EVL: variants seen among roughly 807,000 people sequenced by gnomAD.
EVL encodes ena/VASP-like protein.
EVL carries 21 observed loss-of-function variants against 59.6 expected under a neutral mutation model. The observed-to-expected ratio is 0.35, with a 90% confidence interval of 0.25 to 0.51. The LOEUF (loss-of-function observed/expected upper bound fraction) is 0.51, where lower values mean the gene tolerates loss of function less well. EVL is among the 20% of genes least tolerant of loss of function. EVL has a pLI of 0.97. For synonymous variants in EVL, 198 were observed against 203.5 expected, an observed-to-expected ratio of 0.97 and a Z score of 0.23; for missense variants, 462 against 546.6, an observed-to-expected ratio of 0.85 and a Z score of 1.54.
At chr14:100,046,771 GA>G (rs2061553703) in intron 1 of EVL, among the ~76,000 whole-genome samples, 1 of 72,126 alleles carries the variant, frequency 1.4e-5, no homozygotes, top group Non-Finnish European at 2.8e-5. Flanking sequence ...TTTTTTTTTT[GA>G]GGAAGAGTCT....
intron 1 of EVL, chr14:99,974,739 T>C (rs1341745782): frequency 6.6e-6 from 1 of 152,338 alleles, no homozygotes; most frequent in Non-Finnish European, 1.5e-5. Context: ...AGATGATGAC[T>C]CCTTGGATGG....
rs1195149750 is a variant in EVL at position 100,006,283 on chromosome 14, CTTTTTT to C, written c.5+34240_5+34245del. 2.3e-5 allele frequency among the ~76,000 whole-genome samples: 3 copies of C among 132,176 alleles called. 1 individual carries two copies. The highest frequency in any genetic ancestry group is 8.5e-5 in the African/African-American group (3 of 35,378). 86.7% of individuals were successfully genotyped at this position (132,176 alleles called of 152,430 possible). A position where few individuals can be genotyped will look rare whatever the true frequency, so the allele number is the denominator to read the frequency against. On this transcript the variant is annotated intron_variant, in intron 1 of 13. Transcript: ENST00000402714. ...CAAATAAAACCAGCTGGTTGTTAAT[CTTTTTT>C]TTTTTTTTTTTTTGAGACAGAGTTT...
chr14:100,132,627 G>C (rs539574105), intron 7 of EVL, 92 bp from the exon 8 acceptor site: 9 of 1,378,872 alleles, frequency 6.5e-6, no homozygotes, highest in Non-Finnish European at 8.3e-6. Context: ...TCTGAGGACC[G>C]GGGTGAGTCT....
intron 1 of EVL, among the ~76,000 whole-genome samples, chr14:99,981,763 T>C (rs899689176): frequency 6.6e-6 from 1 of 152,228 alleles, no homozygotes; most frequent in African/African-American, 2.4e-5. Flanking sequence ...ACCTTATTGC[T>C]TAAAAATGCT....
At chr14:100,078,352 A>C (rs1475494074) in intron 1 of EVL, among the ~76,000 whole-genome samples, 4 of 152,138 alleles carry the variant, frequency 2.6e-5, no homozygotes, top group Non-Finnish European at 5.9e-5. Flanking sequence ...CAGAGAGCGA[A>C]GTGGAATGCC....
chr14:100,030,047 A>C (rs2061285749), intron 1 of EVL, among the ~76,000 whole-genome samples: 1 of 150,968 alleles, frequency 6.6e-6, no homozygotes, highest in South Asian at 2.1e-4. Context: ...GTAAAATGGG[A>C]CTATTACCAA....
intron 11 of EVL, chr14:100,138,684 G>C (rs985966306): frequency 3.3e-5 from 5 of 152,572 alleles, no homozygotes; most frequent in African/African-American, 1.2e-4. Flanking sequence ...GCTGGGGACA[G>C]TCCCTGCCTG....
chr14:99,981,440 T>TA (rs539248984), intron 1 of EVL, among the ~76,000 whole-genome samples: 4 of 151,776 alleles, frequency 2.6e-5, no homozygotes, highest in African/African-American at 7.3e-5. Context: ...AAAATAAAAT[T>TA]AAAAAAAAGA....
intron 1 of EVL, among the ~76,000 whole-genome samples, chr14:100,026,772 C>T (rs1254813196): frequency 1.3e-5 from 2 of 152,232 alleles, no homozygotes; most frequent in Non-Finnish European, 2.9e-5. Flanking sequence ...CTGCTGACAG[C>T]ATACTCTCAG....
chr14:100,076,233 G>C (rs1400579087), intron 1 of EVL, among the ~76,000 whole-genome samples: 1 of 152,254 alleles, frequency 6.6e-6, no homozygotes, highest in Non-Finnish European at 1.5e-5. Context: ...TGCTGGTTGG[G>C]CTATGTGATC....
intron 1 of EVL, among the ~76,000 whole-genome samples, chr14:99,994,784 C>T (rs528474325): frequency 6.6e-6 from 1 of 152,216 alleles, no homozygotes; most frequent in South Asian, 2.1e-4. Context: ...TATTTAACAT[C>T]TTTTCATTTC....
chr14:100,060,567 C>T (rs901190687), upstream of EVL, among the ~76,000 whole-genome samples: 1 of 151,904 alleles, frequency 6.6e-6, no homozygotes. Flanking sequence ...CAATAGATAT[C>T]TAATCTGAAA....
intron 4 of EVL, among the ~76,000 whole-genome samples, chr14:100,125,609 G>A (rs1888025057): frequency 6.6e-6 from 1 of 151,302 alleles, no homozygotes; most frequent in South Asian, 2.1e-4. Context: ...GGGCTGGAGT[G>A]TAGTGACGCA....
intron 3 of EVL, among the ~76,000 whole-genome samples, chr14:100,116,507 G>A (rs1199785942): frequency 6.6e-6 from 1 of 152,222 alleles, no homozygotes; most frequent in East Asian, 1.9e-4. Context: ...GTCTCCCAGA[G>A]CCTCATAAAT....
At chr14:100,091,316 G>A (rs1049859096) in intron 2 of EVL, among the ~76,000 whole-genome samples, 12 of 152,158 alleles carry the variant, frequency 7.9e-5, no homozygotes, top group African/African-American at 2.2e-4. Flanking sequence ...AATGGGTTCC[G>A]CCCCATATCC....
chr14:100,111,447 G>A (rs970897533), intron 3 of EVL, among the ~76,000 whole-genome samples: 28 of 152,090 alleles, frequency 1.8e-4, no homozygotes, highest in African/African-American at 6.0e-4. Flanking sequence ...GTGAGCCACC[G>A]TGCCCGGCCA....
intron 1 of EVL, among the ~76,000 whole-genome samples, chr14:100,022,559 C>T (rs12435713): frequency 0.022 from 3,287 of 152,208 alleles, 59 homozygotes; most frequent in Admixed American, 0.054. Flanking sequence ...GGTTTACAGG[C>T]GTGAGCCACC....
chr14:100,049,415 G>A (rs907382244), intron 1 of EVL, among the ~76,000 whole-genome samples: 10 of 152,030 alleles, frequency 6.6e-5, no homozygotes, highest in East Asian at 5.8e-4. Context: ...TGTCAGCAGC[G>A]CCCTTGCTTC....
intron 2 of EVL, among the ~76,000 whole-genome samples, chr14:100,086,650 C>A (rs911712704): frequency 1.3e-5 from 2 of 152,218 alleles, no homozygotes; most frequent in Non-Finnish European, 2.9e-5. Context: ...GAGGAAACCA[C>A]ATGTTGAGAA....
Sources: gnomAD v4.1 joint callset for allele counts (sites outside exome capture counted in the v4.1 genomes callset) on GRCh38, gnomAD v4.1.1 for gene constraint, MANE v1.5 for transcripts, NCBI Gene and HGNC (gene_info 2026-07-23, HGNC 2026-07-21) for gene names.